Variants in ANKIB1 observed in about 807,000 individuals in gnomAD.
ANKIB1 encodes the protein ankyrin repeat and IBR domain containing 1, also known as ankyrin repeat and IBR domain-containing protein 1.
A neutral mutation model predicts 122.1 loss-of-function variants in ANKIB1; 43 were observed. The ratio of observed to expected loss-of-function variants is 0.35; its 90% CI spans 0.28 to 0.45. ANKIB1 has a LOEUF of 0.45. ANKIB1 is among the 20% of genes least tolerant of loss of function. ANKIB1 has a pLI of 1.00. For synonymous variants in ANKIB1, 390 were observed against 442.0 expected (o/e 0.88, Z 1.48); for missense variants, 992 against 1,329.5 (o/e 0.75, Z 3.95).
chr7:92,290,477 G>A (rs1326107259), intron 1 of ANKIB1, among the ~76,000 whole-genome samples: 1 of 151,412 alleles, frequency 6.6e-6, no homozygotes, highest in Non-Finnish European at 1.5e-5. Flanking sequence ...GTAGATTTAA[G>A]GTTGTTATTA....
intron 1 of ANKIB1, among the ~76,000 whole-genome samples, chr7:92,249,829 G>A (rs1456906732): frequency 1.3e-5 from 2 of 151,802 alleles, no homozygotes; most frequent in Admixed American, 1.3e-4. Context: ...CCTTAGAACA[G>A]TCCCAAAATA....
At chr7:92,360,592 A>G (rs1197121929) in intron 9 of ANKIB1, among the ~76,000 whole-genome samples, 1 of 152,146 alleles carries the variant, frequency 6.6e-6, no homozygotes, top group Non-Finnish European at 1.5e-5. Flanking sequence ...GTTCTCTCAT[A>G]CCTTAGAATG....
At chr7:92,391,797 C>T (rs556961585) in intron 16 of ANKIB1, among the ~76,000 whole-genome samples, 44 of 152,002 alleles carry the variant, frequency 2.9e-4, no homozygotes, top group Non-Finnish European at 5.0e-4. Context: ...AGTGATAAAC[C>T]CATCCACTAA....
intron 1 of ANKIB1, among the ~76,000 whole-genome samples, chr7:92,277,148 G>A (rs957356394): frequency 5.3e-5 from 8 of 152,058 alleles, no homozygotes; most frequent in East Asian, 1.9e-4. Flanking sequence ...GAGCAGATGC[G>A]GTCATCATGC....
chr7:92,373,138 G>T (rs967736010), intron 11 of ANKIB1, among the ~76,000 whole-genome samples: 1 of 152,124 alleles, frequency 6.6e-6, no homozygotes, highest in Non-Finnish European at 1.5e-5. Context: ...ACCTAGGGCA[G>T]TGTTGTGAGC....
intron 9 of ANKIB1, among the ~76,000 whole-genome samples, chr7:92,361,011 C>T (rs13438254): frequency 0.025 from 3,755 of 152,110 alleles, 166 homozygotes; most frequent in African/African-American, 0.086. Flanking sequence ...ACTACAGGCA[C>T]GAGCCACCAC....
intron 9 of ANKIB1, among the ~76,000 whole-genome samples, chr7:92,359,559 T>C (rs1364015761): frequency 6.6e-6 from 1 of 152,236 alleles, no homozygotes; most frequent in Non-Finnish European, 1.5e-5. Context: ...TATAGCAGCA[T>C]GATTTATAAT....
intron 1 of ANKIB1, among the ~76,000 whole-genome samples, chr7:92,247,248 G>C (rs1801141166): frequency 6.6e-6 from 1 of 152,160 alleles, no homozygotes; most frequent in Admixed American, 6.5e-5. Flanking sequence ...ATAAGAGTCT[G>C]CTGTTTCAAA....
intron 7 of ANKIB1, among the ~76,000 whole-genome samples, chr7:92,347,385 G>T (rs1260132784): frequency 6.6e-6 from 1 of 152,002 alleles, no homozygotes; most frequent in African/African-American, 2.4e-5. Context: ...TTCCAGTGTG[G>T]CCCAGAAAAG....
intron 1 of ANKIB1, among the ~76,000 whole-genome samples, chr7:92,272,520 T>G (rs1801818667): frequency 6.6e-6 from 1 of 152,152 alleles, no homozygotes; most frequent in Non-Finnish European, 1.5e-5. Context: ...GTAGGAAGAT[T>G]TAGCCTAAGA....
chr7:92,310,833 T>C (rs549762015), intron 3 of ANKIB1, among the ~76,000 whole-genome samples: 3 of 152,330 alleles, frequency 2.0e-5, no homozygotes, highest in Non-Finnish European at 4.4e-5. Context: ...CCAAATATTT[T>C]TTACCTGCTG....
Position 92,275,426 on chromosome 7 carries a change from A to G in ANKIB1, c.-90-19463A>G, listed in dbSNP as rs79477786. ...CCTGTGAGTTGGGGTGGTGCTGCCC[A>G]TCACCAACTCAGGACGGTATTTGAA... is the stretch of plus-strand genomic sequence containing the variant. On this transcript the variant is annotated intron_variant, in intron 1 of 19. Transcript: ENST00000265742. 2.2e-3 allele frequency among the ~76,000 whole-genome samples: 332 copies of G among 152,282 alleles called. 1 individual carries two copies. Among genetic ancestry groups the G allele is most frequent in the African/African-American group, 7.6e-3 (316 of 41,556 alleles).
At chr7:92,312,173 A>T (rs1007727960) in intron 3 of ANKIB1, among the ~76,000 whole-genome samples, 12 of 152,088 alleles carry the variant, frequency 7.9e-5, no homozygotes, top group Non-Finnish European at 1.5e-5. Flanking sequence ...CCACTTTCTA[A>T]CACCAAGTGC....
At chr7:92,387,414 T>C (rs567961947) in intron 12 of ANKIB1, among the ~76,000 whole-genome samples, 1 of 152,170 alleles carries the variant, frequency 6.6e-6, no homozygotes, top group African/African-American at 2.4e-5. Context: ...GGCAGGCAGA[T>C]CACTTGAGGT....
chr7:92,297,287 G>C (rs1286643287), intron 2 of ANKIB1, among the ~76,000 whole-genome samples: 1 of 152,146 alleles, frequency 6.6e-6, no homozygotes, highest in Non-Finnish European at 1.5e-5. Context: ...TATTTCTATA[G>C]TCGTATCAGC....
intron 16 of ANKIB1, 40 bp downstream of exon 16, chr7:92,391,384 G>A: frequency 1.4e-6 from 2 of 1,440,294 alleles, no homozygotes; most frequent in Non-Finnish European, 1.8e-6. Flanking sequence ...CCTAGCTCCA[G>A]CCACAAATAC....
At chr7:92,341,812 G>A (rs1195473939) in intron 5 of ANKIB1, among the ~76,000 whole-genome samples, 1 of 152,152 alleles carries the variant, frequency 6.6e-6, no homozygotes, top group Non-Finnish European at 1.5e-5. Flanking sequence ...TACTACTCTT[G>A]AGATGCTGGG....
rs114752180 is a variant in ANKIB1, at chr7:92,283,030, T to G, written c.-90-11859T>G. ...AGCTTTTGCAGCTATTTTCATTTCT[T>G]CTCTAACTACAGTATCATTTTTTAC... On this transcript the variant is annotated intron_variant, in intron 1 of 19. Transcript: ENST00000265742. Among the ~76,000 whole-genome samples the G allele has an allele frequency of 1.3e-3, 193 of 152,276 alleles. 1 individual carries two copies. The highest frequency in any genetic ancestry group is 4.5e-3 in the African/African-American group (187 of 41,554).
chr7:92,263,303 G>A (rs1227128073), intron 1 of ANKIB1, among the ~76,000 whole-genome samples: 4 of 152,120 alleles, frequency 2.6e-5, no homozygotes, highest in African/African-American at 4.8e-5. Flanking sequence ...TAATCCATTG[G>A]TTAACATTTT....
Sources: gnomAD v4.1 joint callset for allele counts (sites outside exome capture counted in the v4.1 genomes callset) on GRCh38, gnomAD v4.1.1 for gene constraint, MANE v1.5 for transcripts, NCBI Gene and HGNC (gene_info 2026-07-23, HGNC 2026-07-21) for gene names.